The following ADCK1 variants were observed in gnomAD, a reference collection of about 807,000 sequenced individuals.
ADCK1 encodes the protein aarF domain-containing protein kinase 1.
A neutral mutation model predicts 52.3 loss-of-function variants in ADCK1; 41 were observed. The observed-to-expected ratio is 0.78, with a 90% CI of 0.61 to 1.02. The LOEUF is 1.02. Ranked by LOEUF, ADCK1 falls within the 50% of genes least tolerant of loss-of-function variation. ADCK1 has a pLI of 0.00. For missense variants in ADCK1, 658 were observed against 679.5 expected (o/e 0.97, Z 0.35); for synonymous variants, 250 against 274.6 (o/e 0.91, Z 0.89).
chr14:77,823,163 G>T (rs773932080), intron 3 of ADCK1, among the ~76,000 whole-genome samples: 1 of 152,094 alleles, frequency 6.6e-6, no homozygotes, highest in Non-Finnish European at 1.5e-5. Flanking sequence ...CGGAGACTTG[G>T]GAGATCAAAC....
chr14:77,922,136 C>T (rs1664358092), intron 7 of ADCK1, among the ~76,000 whole-genome samples: 1 of 152,150 alleles, frequency 6.6e-6, no homozygotes, highest in Non-Finnish European at 1.5e-5. Flanking sequence ...CATGAAGCTC[C>T]AAAGAGCCTC....
At chr14:77,880,818 G>A (rs746048140) in intron 4 of ADCK1, among the ~76,000 whole-genome samples, 2 of 152,204 alleles carry the variant, frequency 1.3e-5, no homozygotes, top group East Asian at 1.9e-4. Flanking sequence ...TCTCCTCATG[G>A]CCAGAGACTG....
At chr14:77,893,737 C>CTTCCTTCCTTTCTTT (rs35559156) in intron 5 of ADCK1, among the ~76,000 whole-genome samples, 4 of 50,378 alleles carry the variant, frequency 7.9e-5, no homozygotes, top group African/African-American at 2.4e-4. Flanking sequence ...TCCTTCCTTC[C>CTTCCTTCCTTTCTTT]TTTTTTTTTT....
intron 2 of ADCK1, among the ~76,000 whole-genome samples, chr14:77,820,639 CGTGTGTGTGT>C (rs10549011): frequency 2.5e-4 from 37 of 148,912 alleles, no homozygotes; most frequent in African/African-American, 7.2e-4. Flanking sequence ...GCCAATTTTA[CGTGTGTGTGT>C]GTGTGTGTGT....
At chr14:77,901,649 C>G (rs146544794) in intron 6 of ADCK1, among the ~76,000 whole-genome samples, 4,872 of 152,238 alleles carry the variant, frequency 0.032, 151 homozygotes, top group South Asian at 0.12. Flanking sequence ...CTCGGCCTCC[C>G]AAAGTGCTGG....
At chr14:77,851,892 A>C (rs891871994) in intron 3 of ADCK1, among the ~76,000 whole-genome samples, 1 of 152,098 alleles carries the variant, frequency 6.6e-6, no homozygotes. Flanking sequence ...ATTTACTCAT[A>C]AAGTTGCTAT....
At chr14:77,914,583 G>A in intron 7 of ADCK1, 2 of 985,404 alleles carry the variant, frequency 2.0e-6, no homozygotes, top group Non-Finnish European at 2.4e-6. Flanking sequence ...TAGAGGTTGG[G>A]TCCTGGGTGG....
intron 4 of ADCK1, among the ~76,000 whole-genome samples, chr14:77,881,228 G>A (rs1595005344): frequency 6.6e-6 from 1 of 152,236 alleles, no homozygotes; most frequent in African/African-American, 2.4e-5. Context: ...GGCAGGGGCC[G>A]GAGGATTGTT....
chr14:77,859,620 C>T (rs115477280), intron 4 of ADCK1, among the ~76,000 whole-genome samples: 1 of 152,294 alleles, frequency 6.6e-6, no homozygotes, highest in African/African-American at 2.4e-5. Flanking sequence ...AGCCCCATCC[C>T]ATCTGGTTTC....
chr14:77,912,356 C>T (rs2083811374), intron 7 of ADCK1, among the ~76,000 whole-genome samples: 1 of 151,668 alleles, frequency 6.6e-6, no homozygotes, highest in Non-Finnish European at 1.5e-5. Flanking sequence ...AGGGACAGGC[C>T]TTACTCTGAA....
At chr14:77,882,590 C>T (rs1297210380) in intron 4 of ADCK1, among the ~76,000 whole-genome samples, 1 of 152,238 alleles carries the variant, frequency 6.6e-6, no homozygotes, top group East Asian at 1.9e-4. Flanking sequence ...TTGAGGAGCC[C>T]CTTCCCTGAG....
At chr14:77,896,297 C>T (rs1462179164) in intron 5 of ADCK1, among the ~76,000 whole-genome samples, 2 of 152,180 alleles carry the variant, frequency 1.3e-5, no homozygotes, top group Non-Finnish European at 2.9e-5. Flanking sequence ...CCAGAAGCTT[C>T]ACCCCCAAGT....
At chr14:77,906,623 A>G (rs534853990) in intron 6 of ADCK1, among the ~76,000 whole-genome samples, 1 of 152,328 alleles carries the variant, frequency 6.6e-6, no homozygotes, top group South Asian at 2.1e-4. Flanking sequence ...CTACTGACAT[A>G]TGGTTTTGGT....
intron 3 of ADCK1, among the ~76,000 whole-genome samples, chr14:77,858,729 G>T (rs1435232311): frequency 6.6e-6 from 1 of 152,140 alleles, no homozygotes; most frequent in Non-Finnish European, 1.5e-5. Context: ...TTAACTCTGT[G>T]TCCCTTGAAT....
chr14:77,888,825 GCCTGAAT>G (rs1259993197), intron 5 of ADCK1, among the ~76,000 whole-genome samples: 2 of 152,198 alleles, frequency 1.3e-5, no homozygotes. Context: ...CCCAGTGGAT[GCCTGAAT>G]CCTCAGATAG....
At chr14:77,919,965 T>G (rs1213762178) in intron 7 of ADCK1, among the ~76,000 whole-genome samples, 3 of 152,244 alleles carry the variant, frequency 2.0e-5, no homozygotes, top group Admixed American at 1.3e-4. Flanking sequence ...TTTGAGTTCC[T>G]TGTAGATTCT....
At chr14:77,832,198 G>A (rs1388555470) in intron 3 of ADCK1, among the ~76,000 whole-genome samples, 1 of 152,076 alleles carries the variant, frequency 6.6e-6, no homozygotes. Flanking sequence ...GGCTGGTCTC[G>A]AACTCCTGAC....
intron 7 of ADCK1, chr14:77,924,203 T>G: frequency 2.2e-6 from 1 of 445,872 alleles, no homozygotes; most frequent in Non-Finnish European, 4.0e-6. Flanking sequence ...CATGTTCACG[T>G]CACCTCGAAC....
chr14:77,854,199 G>A (rs2082369528), intron 3 of ADCK1, among the ~76,000 whole-genome samples: 1 of 152,180 alleles, frequency 6.6e-6, no homozygotes, highest in South Asian at 2.1e-4. Context: ...AGAAGACTGG[G>A]AAGAACAGGT....
Sources: allele counts gnomAD v4.1 joint callset (sites outside exome capture counted in the v4.1 genomes callset), GRCh38; gene constraint gnomAD v4.1.1; transcripts MANE v1.5; gene names NCBI Gene and HGNC (gene_info 2026-07-23, HGNC 2026-07-21).